Variants in POR observed in about 807,000 individuals in gnomAD.
POR encodes cytochrome p450 oxidoreductase, also known as NADPH--cytochrome P450 reductase.
POR carries 56 observed loss-of-function variants against 84.0 expected under a neutral mutation model. The ratio of observed to expected loss-of-function variants is 0.67; its 90% confidence interval spans 0.54 to 0.83. The LOEUF is 0.83. Among genes scored for constraint, POR ranks in the 40% least tolerant of loss-of-function variants. The probability of loss-of-function intolerance (pLI) is 0.00; values close to 1 mark genes in which losing one functional copy is unlikely to be tolerated. For synonymous variants in POR, 414 were observed against 400.5 expected (o/e 1.03, Z -0.40); for missense variants, 938 against 944.3 (o/e 0.99, Z 0.09).
At chr7:75,923,171 G>A (rs1423670793) in intron 1 of POR, 9 of 1,121,702 alleles carry the variant, frequency 8.0e-6, no homozygotes, top group East Asian at 4.7e-5. Context: ...ATTTTGAAAC[G>A]TAGACAAGCC....
chr7:75,930,905 C>T (rs1323237029), intron 1 of POR, among the ~76,000 whole-genome samples: 1 of 152,062 alleles, frequency 6.6e-6, no homozygotes, highest in East Asian at 1.9e-4. Context: ...TCACTGTAAC[C>T]CCCAATTCCT....
chr7:75,980,201 C>T (rs1441314985), intron 4 of POR, 138 bp from the exon 5 acceptor site: 2 of 1,046,786 alleles, frequency 1.9e-6, no homozygotes, highest in Admixed American at 5.3e-5. Flanking sequence ...GTTGTTACTT[C>T]TCTCTGATCC....
intron 3 of POR, among the ~76,000 whole-genome samples, chr7:75,973,762 A>G (rs912395355): frequency 7.5e-6 from 1 of 133,218 alleles, no homozygotes; most frequent in Admixed American, 9.0e-5. Context: ...GCTCACTGCA[A>G]CCTTCACCTC....
rs1206373999 is a variant in POR at position 75,934,565 on chromosome 7, GC to G, written c.-5+19388del. 7.3e-5 allele frequency among the ~76,000 whole-genome samples: 11 copies of G among 150,132 alleles called. No individual in the cohort carries two copies. The East Asian group carries it at 2.1e-3, about 29-fold the overall frequency. On this transcript the variant is annotated intron_variant, in intron 1 of 15. Transcript: ENST00000461988. ...TTTAAAAAGGAGCCAAGTGCTGATAGCCAAGACTGTGGGGAAAAAAAGGCCT... is the reference window on the plus strand; with the variant it reads ...TTTAAAAAGGAGCCAAGTGCTGATAGCAAGACTGTGGGGAAAAAAAGGCCT...
chr7:75,934,251 TCA>T (rs1807565192), intron 1 of POR, among the ~76,000 whole-genome samples: 1 of 151,646 alleles, frequency 6.6e-6, no homozygotes, highest in East Asian at 1.9e-4. Context: ...TGTCAACGTC[TCA>T]CAGTTTGGTT....
chr7:75,948,655 C>T (rs1787284742), intron 1 of POR, among the ~76,000 whole-genome samples: 1 of 152,190 alleles, frequency 6.6e-6, no homozygotes, highest in Non-Finnish European at 1.5e-5. Flanking sequence ...CCAAGCACTG[C>T]CAATCCAGGT....
chr7:75,926,806 C>CA (rs1807155123), intron 1 of POR, among the ~76,000 whole-genome samples: 1 of 151,962 alleles, frequency 6.6e-6, no homozygotes, highest in Non-Finnish European at 1.5e-5. Context: ...CTCAAAAAAA[C>CA]AAAAACAAAT....
intron 2 of POR, among the ~76,000 whole-genome samples, chr7:75,960,320 A>G (rs1787882661): frequency 6.6e-6 from 1 of 150,558 alleles, no homozygotes; most frequent in Non-Finnish European, 1.5e-5. Context: ...TAATAATAAT[A>G]TATAATAATG....
chr7:75,923,481 T>C, intron 1 of POR: 1 of 511,648 alleles, frequency 2.0e-6, no homozygotes, highest in Non-Finnish European at 3.5e-6. Flanking sequence ...TTTTTATCAA[T>C]GAACTGGAAG....
At chr7:75,984,633 C>T (rs1197669679) in intron 10 of POR, 144 bp from the exon 11 acceptor site, 6 of 719,418 alleles carry the variant, frequency 8.3e-6, no homozygotes, top group Middle Eastern at 6.9e-4. Flanking sequence ...AGGGAGGCAT[C>T]AGAGAGCATA....
chr7:75,941,481 C>A (rs1428498587), intron 1 of POR, among the ~76,000 whole-genome samples: 1 of 152,160 alleles, frequency 6.6e-6, no homozygotes, highest in African/African-American at 2.4e-5. Flanking sequence ...CTCCCACAAC[C>A]AGAGCCTCCG....
chr7:75,962,061 C>T (rs1322234028), intron 2 of POR, among the ~76,000 whole-genome samples: 1 of 151,830 alleles, frequency 6.6e-6, no homozygotes, highest in African/African-American at 2.4e-5. Flanking sequence ...CTGAACATAA[C>T]ACAACGCCAT....
chr7:75,980,998 A>T (rs1788986388), intron 5 of POR, 50 bp from the exon 6 acceptor site: 1 of 1,506,016 alleles, frequency 6.6e-7, no homozygotes. Flanking sequence ...GGCCCCTCCC[A>T]CTGGTCAGGT....
At position 75,983,542 on chromosome 7, in the gene POR, T is replaced by C. The variant is rs370679413; in HGVS notation, c.853T>C (p.Phe285Leu). The C allele has an allele frequency of 6.2e-7, 1 of 1,612,968 alleles. No individual in the cohort carries two copies. The highest frequency in any genetic ancestry group is 8.5e-7 in the Non-Finnish European group (1 of 1,179,794). The change falls in exon 9 of 16, where the codon TTC becomes CTC. Residue 285 changes from phenylalanine (F) to leucine (L), a missense_variant. Physicochemically the swap from Phe to Leu is conservative, Grantham distance 22. Coordinates refer to ENST00000461988, the MANE Select transcript of POR (RefSeq NM_000941.3). ...CAGCCCCTTTGATGCCAAGAATCCG[T>C]TCCTGGCTGCAGTCACCACCAACCG... is the stretch of plus-strand genomic sequence containing the variant.
In POR at chr7:75,980,785, C is replaced by T. The variant is rs1158011350; in HGVS notation, c.517-263C>T. ...GCCTCGGAGAGCTGGAGCCCCAGCC[C>T]GGTGGGGAGGGTGGGCTGGCCCCGC... On this transcript the variant is annotated intron_variant, in intron 5 of 15. Transcript: ENST00000461988. 11 of 1,374,726 alleles carry T rather than the reference C, an allele frequency of 8.0e-6. 1 individual carries two copies. The highest frequency in any genetic ancestry group is 2.5e-4 in the Middle Eastern group (1 of 4,030). 85.2% of individuals were successfully genotyped at this position (1,374,726 alleles called of 1,614,324 possible).
At chr7:75,928,401 C>A (rs1253136775) in intron 1 of POR, among the ~76,000 whole-genome samples, 3 of 152,198 alleles carry the variant, frequency 2.0e-5, no homozygotes, top group African/African-American at 4.8e-5. Flanking sequence ...ATGTTCACTG[C>A]GTGTTTCTGG....
chr7:75,985,214 G>T lies in POR; in HGVS notation c.1398+7G>T. On this transcript the variant is annotated splice_region_variant and intron_variant, in intron 12 of 15. Transcript: ENST00000461988. ...CATCGCCTCATCCTCCAAGGTGAGG[G>T]CCGGCACTGCCCTGCCAGCCACACG... is the stretch of plus-strand genomic sequence containing the variant. 6.3e-7 allele frequency: 1 copy of T among 1,582,062 alleles called. No homozygotes were observed. Among genetic ancestry groups the T allele is most frequent in the Non-Finnish European group, 8.6e-7 (1 of 1,168,288 alleles).
At chr7:75,936,055 CT>C (rs1291431072) in intron 1 of POR, among the ~76,000 whole-genome samples, 3 of 145,542 alleles carry the variant, frequency 2.1e-5, no homozygotes, top group African/African-American at 7.6e-5. Flanking sequence ...TTAGGATTAA[CT>C]TTTCCAGTGT....
intron 1 of POR, among the ~76,000 whole-genome samples, chr7:75,919,073 A>C (rs1327218594): frequency 6.6e-6 from 1 of 150,756 alleles, no homozygotes; most frequent in Non-Finnish European, 1.5e-5. Flanking sequence ...ATCTTGGCTC[A>C]CTGCAACCTC....
Sources: allele counts gnomAD v4.1 joint callset (sites outside exome capture counted in the v4.1 genomes callset), GRCh38; gene constraint gnomAD v4.1.1; transcripts MANE v1.5; gene names NCBI Gene and HGNC (gene_info 2026-07-23, HGNC 2026-07-21).